The following ZCCHC7 variants were observed in gnomAD, a reference collection of about 807,000 sequenced individuals.
ZCCHC7 encodes the protein zinc finger CCHC-type containing 7, also known as zinc finger CCHC domain-containing protein 7.
ZCCHC7 carries 35 observed loss-of-function variants against 52.0 expected under a neutral mutation model. The ratio of observed to expected loss-of-function variants is 0.67; its 90% CI spans 0.51 to 0.89. The LOEUF is 0.89. ZCCHC7 is among the 40% of genes least tolerant of loss of function. ZCCHC7 has a pLI of 0.00. For synonymous variants in ZCCHC7, 217 were observed against 221.5 expected, an observed-to-expected ratio of 0.98 and a Z score of 0.18; for missense variants, 574 against 649.1, an observed-to-expected ratio of 0.88 and a Z score of 1.26.
chr9:37,157,458 C>G lies in ZCCHC7; in HGVS notation c.610+30516C>G, dbSNP rs560791326. ...AGTGAGCCATGATTGTGCCACTGCACTGCAGCCTGGGTGACAGAGTGAGAC... is the reference window on the plus strand; with the variant it reads ...AGTGAGCCATGATTGTGCCACTGCAGTGCAGCCTGGGTGACAGAGTGAGAC... On this transcript the variant is annotated intron_variant, in intron 2 of 8. Transcript: ENST00000336755. Among the ~76,000 whole-genome samples the G allele has an allele frequency of 2.0e-5, 3 of 152,230 alleles. No individual in the cohort carries two copies. In the South Asian group the frequency reaches 6.2e-4, roughly 32 times the overall value.
At chr9:37,325,503 T>C (rs1830205876) in intron 5 of ZCCHC7, among the ~76,000 whole-genome samples, 1 of 152,214 alleles carries the variant, frequency 6.6e-6, no homozygotes, top group Non-Finnish European at 1.5e-5. Flanking sequence ...ATGCAATAGA[T>C]ACATACATTT....
intron 2 of ZCCHC7, among the ~76,000 whole-genome samples, chr9:37,277,105 C>T (rs1827719434): frequency 6.6e-6 from 1 of 152,152 alleles, no homozygotes; most frequent in Non-Finnish European, 1.5e-5. Context: ...AGTATAGACT[C>T]ATTCTTTGTG....
intron 2 of ZCCHC7, among the ~76,000 whole-genome samples, chr9:37,265,392 T>C (rs117342712): frequency 6.6e-6 from 1 of 152,332 alleles, no homozygotes; most frequent in Non-Finnish European, 1.5e-5. Flanking sequence ...TTGGAGACAC[T>C]GTCAGAGATC....
chr9:37,323,428 T>A (rs1830125990), intron 5 of ZCCHC7, among the ~76,000 whole-genome samples: 1 of 152,190 alleles, frequency 6.6e-6, no homozygotes, highest in East Asian at 1.9e-4. Flanking sequence ...TAGGAATTGA[T>A]TAAAATTTGA....
At chr9:37,121,279 G>T (rs956186923) in intron 1 of ZCCHC7, among the ~76,000 whole-genome samples, 1 of 152,192 alleles carries the variant, frequency 6.6e-6, no homozygotes, top group Non-Finnish European at 1.5e-5. Flanking sequence ...ATTCGCTGGC[G>T]ATTCCAGAAA....
At chr9:37,131,936 A>G (rs1302406548) in intron 2 of ZCCHC7, among the ~76,000 whole-genome samples, 1 of 152,224 alleles carries the variant, frequency 6.6e-6, no homozygotes, top group Non-Finnish European at 1.5e-5. Flanking sequence ...CCTATTACAT[A>G]TGACTTTCAG....
intron 6 of ZCCHC7, among the ~76,000 whole-genome samples, chr9:37,346,423 C>T (rs922621079): frequency 2.0e-5 from 3 of 152,188 alleles, no homozygotes; most frequent in East Asian, 1.9e-4. Flanking sequence ...TGGCTGTAAT[C>T]TCAGTACTTT....
At chr9:37,201,076 G>GT (rs1340958867) in intron 2 of ZCCHC7, among the ~76,000 whole-genome samples, 1 of 152,150 alleles carries the variant, frequency 6.6e-6, no homozygotes, top group Non-Finnish European at 1.5e-5. Context: ...TGTAACTTTT[G>GT]TTTTGAATTC....
chr9:37,163,227 AAAAC>A (rs894919128), intron 2 of ZCCHC7, among the ~76,000 whole-genome samples: 59 of 151,958 alleles, frequency 3.9e-4, no homozygotes, highest in African/African-American at 9.2e-4. Flanking sequence ...CAAACAAAAA[AAAAC>A]AAAAAGTATT....
chr9:37,253,712 G>A (rs1826439759), intron 2 of ZCCHC7, among the ~76,000 whole-genome samples: 1 of 151,844 alleles, frequency 6.6e-6, no homozygotes, highest in Admixed American at 6.6e-5. Flanking sequence ...AGAGGGAATG[G>A]TACATATTTA....
intron 2 of ZCCHC7, among the ~76,000 whole-genome samples, chr9:37,137,636 G>A (rs1227862116): frequency 5.3e-5 from 8 of 152,218 alleles, no homozygotes; most frequent in African/African-American, 1.7e-4. Context: ...TTGGACCAGA[G>A]GTTAGTCAAA....
chr9:37,143,224 A>G (rs1241630958), intron 2 of ZCCHC7, among the ~76,000 whole-genome samples: 2 of 151,686 alleles, frequency 1.3e-5, no homozygotes, highest in Non-Finnish European at 3.0e-5. Flanking sequence ...AGTGGGTGGA[A>G]GATTCTTTTA....
At chr9:37,218,096 G>A (rs193030075) in intron 2 of ZCCHC7, among the ~76,000 whole-genome samples, 287 of 152,178 alleles carry the variant, frequency 1.9e-3, no homozygotes, top group Non-Finnish European at 3.1e-3. Context: ...CAAATTTAGG[G>A]CCATTAAATT....
Position 37,302,213 on chromosome 9 carries a change from C to A in ZCCHC7, c.636C>A (p.Ile212=), listed in dbSNP as rs778519949. 1 of 1,608,250 alleles carries A rather than the reference C, an allele frequency of 6.2e-7. No individual in the cohort carries two copies. Among genetic ancestry groups the A allele is most frequent in the Admixed American group, 1.7e-5 (1 of 59,130 alleles). Residue 212 remains isoleucine, a synonymous_variant, in exon 3 of 9, where the codon ATC becomes ATA. Transcript: ENST00000336755. The part of the protein sequence containing the change: ...TEGEDGINWS[I]SDKDIEAQIA... ...GAGAAGATGGTATAAACTGGTCCAT[C>A]AGTGACAAAGACATTGAGGTAAAAT...
chr9:37,187,500 A>C (rs1822726472), intron 2 of ZCCHC7, among the ~76,000 whole-genome samples: 1 of 152,202 alleles, frequency 6.6e-6, no homozygotes, highest in Non-Finnish European at 1.5e-5. Context: ...CCCAGTTCCT[A>C]ACAGGCCACG....
At chr9:37,296,881 T>TGTGTGTGTGTGTGTGTGTGTGTG in intron 2 of ZCCHC7, among the ~76,000 whole-genome samples, 1 of 124,204 alleles carries the variant, frequency 8.1e-6, no homozygotes, top group Admixed American at 8.5e-5. Flanking sequence ...CCTGGCTAGT[T>TGTGTGTGTGTGTGTGTGTGTGTG]TGTGTGTGTG....
chr9:37,175,998 G>A (rs868533829), intron 2 of ZCCHC7, among the ~76,000 whole-genome samples: 28 of 152,158 alleles, frequency 1.8e-4, no homozygotes, highest in African/African-American at 6.3e-4. Flanking sequence ...TTAGTGTAAT[G>A]GTTGAATATG....
intron 6 of ZCCHC7, among the ~76,000 whole-genome samples, chr9:37,334,919 T>G (rs1830586662): frequency 6.6e-6 from 1 of 152,092 alleles, no homozygotes; most frequent in Non-Finnish European, 1.5e-5. Context: ...AAAGTGAGTG[T>G]TTAGAAATTT....
chr9:37,233,473 A>C (rs1004976007), intron 2 of ZCCHC7, among the ~76,000 whole-genome samples: 2 of 152,174 alleles, frequency 1.3e-5, no homozygotes, highest in African/African-American at 4.8e-5. Flanking sequence ...GCACTTTCTG[A>C]AAATGTTAAT....
Sources: gnomAD v4.1 joint callset for allele counts (sites outside exome capture counted in the v4.1 genomes callset) on GRCh38, gnomAD v4.1.1 for gene constraint, MANE v1.5 for transcripts, NCBI Gene and HGNC (gene_info 2026-07-23, HGNC 2026-07-21) for gene names.